Variants in ATAD3B observed in about 807,000 individuals in gnomAD.
The protein encoded by ATAD3B is ATPase family AAA domain containing 3B, also known as ATPase family AAA domain-containing protein 3B.
Under a neutral mutation model 70.2 loss-of-function variants are expected in ATAD3B, and 59 were observed. The ratio of observed to expected loss-of-function variants is 0.84; its 90% CI spans 0.68 to 1.04. ATAD3B has a LOEUF of 1.04. Among genes scored for constraint, ATAD3B ranks in the 50% least tolerant of loss-of-function variants. The pLI, the probability that ATAD3B is intolerant of heterozygous loss-of-function variation, is 0.00. For synonymous variants in ATAD3B, 423 were observed against 388.6 expected, an observed-to-expected ratio of 1.09 and a Z score of -1.04; for missense variants, 961 against 913.4, an observed-to-expected ratio of 1.05 and a Z score of -0.67.
At position 1,494,537 on chromosome 1, in the gene ATAD3B, C is replaced by T. The variant is rs1247000314; in HGVS notation, c.1615-948C>T. ...CTCCCGGGCCCCCGACCCACAGTGG[C>T]GGTCCGGCTCCGGTCGGTGTCTCCC... On this transcript the variant is annotated intron_variant, in intron 15 of 15. Coordinates refer to ENST00000673477, the MANE Select transcript of ATAD3B (RefSeq NM_031921.6). Among the ~76,000 whole-genome samples, 6 of 151,936 alleles carry T rather than the reference C, an allele frequency of 3.9e-5. 1 individual carries two copies. The highest frequency in any genetic ancestry group is 4.2e-4 in the South Asian group (2 of 4,818).
Position 1,489,291 on chromosome 1 carries a change from G to A in ATAD3B, c.1337+17G>A. 1 of 1,613,276 alleles carries A rather than the reference G, an allele frequency of 6.2e-7. No homozygotes were observed. ...CAGCAACAAGTGAGGGAGCCCCTCG[G>A]GTCCTGAGCCCCCGGGCAGGGCTGT... is the stretch of plus-strand genomic sequence containing the variant. On this transcript the variant is annotated intron_variant, in intron 13 of 15. Transcript: ENST00000673477.
the ATAD3B span, among the ~76,000 whole-genome samples, chr1:1,508,391 C>T: frequency 2.6e-5 from 4 of 151,254 alleles, no homozygotes; most frequent in Non-Finnish European, 4.4e-5. Flanking sequence ...GTGCTGCTGC[C>T]CCTGCACCCC....
rs1640767567 is a variant in ATAD3B, at chr1:1,495,887, T to C, written c.*70T>C. On this transcript the variant is annotated 3_prime_UTR_variant, in exon 16 of 16. Transcript: ENST00000673477. ...ACTCTTGGGAGATGCATTTTCCGTC[T>C]GGCTCACAGGGGGAGGGTGAGGCTT... is the stretch of plus-strand genomic sequence containing the variant. The C allele has an allele frequency of 1.2e-5, 18 of 1,480,870 alleles. No homozygotes were observed. Among genetic ancestry groups the C allele is most frequent in the Middle Eastern group, 5.1e-4 (2 of 3,924 alleles). The allele number at this position is 1,480,870 out of a possible 1,614,324, so 91.7% of individuals were successfully genotyped here.
At chr1:1,485,419 G>A (rs557062043) in intron 8 of ATAD3B, among the ~76,000 whole-genome samples, 1 of 152,154 alleles carries the variant, frequency 6.6e-6, no homozygotes, top group South Asian at 2.1e-4. Context: ...GAGCACATCG[G>A]GGTCCTTGCA....
intron 12 of ATAD3B, among the ~76,000 whole-genome samples, chr1:1,488,526 CA>C (rs1640358633): frequency 6.6e-6 from 1 of 151,996 alleles, no homozygotes; most frequent in African/African-American, 2.4e-5. Context: ...TTTGGGAGGC[CA>C]AGGCAGGTGG....
Position 1,485,132 on chromosome 1 carries a change from C to G in ATAD3B, c.867C>G (p.Ser289=), listed in dbSNP as rs148667275. Residue 289 remains serine, a synonymous_variant, in exon 8 of 16, where the codon TCC becomes TCG. Transcript: ENST00000673477. ...LGKPSLVRET[S]RITVLEALRH... Reference sequence around the variant, plus strand: ...AGCCGTCCCTAGTGAGGGAGACGTCCCGCATCACGGTGCTGGAGGCGCTGC... The same window carrying G: ...AGCCGTCCCTAGTGAGGGAGACGTCGCGCATCACGGTGCTGGAGGCGCTGC... The G allele has an allele frequency of 1.2e-6, 2 of 1,610,456 alleles. No individual in the cohort carries two copies. The highest frequency in any genetic ancestry group is 1.7e-6 in the Non-Finnish European group (2 of 1,179,426).
chr1:1,478,290 C>A, intron 2 of ATAD3B: 1 of 894,160 alleles, frequency 1.1e-6, no homozygotes, highest in Non-Finnish European at 1.6e-6. Flanking sequence ...AGCGATGGCG[C>A]CCGGCCCACT....
intron 15 of ATAD3B, among the ~76,000 whole-genome samples, chr1:1,491,793 G>T (rs1235156726): frequency 6.6e-6 from 1 of 151,962 alleles, no homozygotes; most frequent in Non-Finnish European, 1.5e-5. Context: ...ATGCCGCTGT[G>T]ACAAAGAGTC....
At chr1:1,498,843 A>T (rs1640876408), downstream of ATAD3B, among the ~76,000 whole-genome samples, 1 of 151,648 alleles carries the variant, frequency 6.6e-6, no homozygotes, top group Non-Finnish European at 1.5e-5. Context: ...AACTTTTCTC[A>T]GCTGCGAAAT....
rs375507742 is a variant in ATAD3B at position 1,485,881 on chromosome 1, C to A, written c.963+43C>A. On this transcript the variant is annotated intron_variant, in intron 9 of 15. Coordinates refer to ENST00000673477, the MANE Select transcript of ATAD3B (RefSeq NM_031921.6). The stretch of plus-strand genomic sequence containing the variant: ...GGACCGGGGAGGTGCAGGGAGGGGA[C>A]CCCGGAGCTGGGCTGGGCTGTGGCC... 6 of 1,612,102 alleles carry A rather than the reference C, an allele frequency of 3.7e-6. 1 individual carries two copies. Among genetic ancestry groups the A allele is most frequent in the South Asian group, 1.1e-5 (1 of 90,934 alleles).
intron 12 of ATAD3B, among the ~76,000 whole-genome samples, chr1:1,488,929 ATT>A (rs1194097363): frequency 6.6e-6 from 1 of 151,578 alleles, no homozygotes; most frequent in Non-Finnish European, 1.5e-5. Context: ...TGCATGGCTA[ATT>A]TTTGTATTTC....
chr1:1,482,740 C>A, intron 7 of ATAD3B, 126 bp downstream of exon 7: 1 of 1,488,824 alleles, frequency 6.7e-7, no homozygotes. Context: ...ACAGAGCAAA[C>A]CCACGTTGTA....
At position 1,489,404 on chromosome 1, in the gene ATAD3B, C is replaced by A. The variant is rs1176696383; in HGVS notation, c.1337+130C>A. The A allele has an allele frequency of 6.0e-5, 89 of 1,491,046 alleles. 1 individual carries two copies. Among genetic ancestry groups the A allele is most frequent in the Non-Finnish European group, 8.1e-5 (89 of 1,095,202 alleles). The allele number at this position is 1,491,046 out of a possible 1,614,324, so 92.4% of individuals were successfully genotyped here. On this transcript the variant is annotated intron_variant, in intron 13 of 15. Coordinates refer to ENST00000673477, the MANE Select transcript of ATAD3B (RefSeq NM_031921.6). Reference sequence around the variant, plus strand: ...GCCTCAGTGTGCCCACCTCAGATGTCCCCTGGGAACGGCCCAGCTCGGGAC... The same window carrying A: ...GCCTCAGTGTGCCCACCTCAGATGTACCCTGGGAACGGCCCAGCTCGGGAC...
the ATAD3B span, among the ~76,000 whole-genome samples, chr1:1,504,946 G>T: frequency 6.6e-6 from 1 of 152,194 alleles, no homozygotes; most frequent in African/African-American, 2.4e-5. Flanking sequence ...GTGTGTGTGT[G>T]TGTGCGCGCC....
chr1:1,486,451 C>G, intron 10 of ATAD3B, 93 bp from the exon 11 acceptor site: 10 of 1,609,476 alleles, frequency 6.2e-6, no homozygotes, highest in Non-Finnish European at 7.6e-6. Flanking sequence ...GACAGGGACA[C>G]CCGGCAGGGG....
In ATAD3B at chr1:1,485,083, G is replaced by A. The variant is rs146192785; in HGVS notation, c.818G>A (p.Arg273His). ...SAKNATAVTG[R>H]FIEARLGKPS... ...AAGAATGCGACAGCCGTCACTGGCC[G>A]CTTCATCGAGGCTCGGCTGGGGAAG... Residue 273 changes from arginine to histidine, a missense_variant, in exon 8 of 16, where the codon CGC (arginine) becomes CAC (histidine). Physicochemically the swap from Arg to His is conservative, Grantham distance 29. Coordinates refer to ENST00000673477, the MANE Select transcript of ATAD3B (RefSeq NM_031921.6). The A allele has an allele frequency of 4.1e-5, 66 of 1,609,950 alleles. No homozygotes were observed. The highest frequency in any genetic ancestry group is 2.0e-4 in the Middle Eastern group (1 of 5,006).
chr1:1,489,108 C>G (rs1640389629), intron 12 of ATAD3B, 96 bp from the exon 13 acceptor site: 1 of 1,592,082 alleles, frequency 6.3e-7, no homozygotes, highest in Non-Finnish European at 8.6e-7. Context: ...CGCCACGTCC[C>G]TGCTCCCTGC....
rs577645127 is a variant in ATAD3B, at chr1:1,484,458, G to A, written c.751-558G>A. On this transcript the variant is annotated intron_variant, in intron 7 of 15. Transcript: ENST00000673477. ...GGCCTCCCAAAGTGCTGGGATTACGGGCGTGAGCCACCGTGCTCAGCCACA... is the reference window on the plus strand; with the variant it reads ...GGCCTCCCAAAGTGCTGGGATTACGAGCGTGAGCCACCGTGCTCAGCCACA... The A allele has an allele frequency of 1.6e-3, 249 of 152,962 alleles. 1 individual carries two copies. The highest frequency in any genetic ancestry group is 2.7e-3 in the South Asian group (13 of 4,838). 9.5% of individuals were successfully genotyped at this position (152,962 alleles called of 1,614,324 possible). A position where few individuals can be genotyped will look rare whatever the true frequency, so the allele number is the denominator to read the frequency against.
At chr1:1,488,783 C>T (rs1009479776) in intron 12 of ATAD3B, among the ~76,000 whole-genome samples, 7 of 151,704 alleles carry the variant, frequency 4.6e-5, no homozygotes, top group African/African-American at 7.3e-5. Flanking sequence ...GAGATTTGAT[C>T]GCCTTGACCT....
Sources: gnomAD v4.1 joint callset for allele counts (sites outside exome capture counted in the v4.1 genomes callset) on GRCh38, gnomAD v4.1.1 for gene constraint, MANE v1.5 for transcripts, NCBI Gene and HGNC (gene_info 2026-07-23, HGNC 2026-07-21) for gene names.